The following CAST variants were observed in gnomAD, a reference collection of about 807,000 sequenced individuals.
CAST encodes the protein MIR583 host.
CAST carries 76 observed loss-of-function variants against 119.6 expected under a neutral mutation model. The observed-to-expected ratio is 0.64, with a 90% CI of 0.53 to 0.77. The LOEUF (loss-of-function observed/expected upper bound fraction) is 0.77. Ranked by LOEUF, CAST falls within the 30% of genes least tolerant of loss-of-function variation. The pLI is 0.00. For synonymous variants in CAST, 319 were observed against 331.6 expected (o/e 0.96, Z 0.41); for missense variants, 953 against 946.5 (o/e 1.01, Z -0.09).
chr5:96,077,847 T>A, the CAST span, among the ~76,000 whole-genome samples: 2 of 152,208 alleles, frequency 1.3e-5, no homozygotes, highest in Non-Finnish European at 2.9e-5. Context: ...CTTTATAAAT[T>A]ATCCAGCCTC....
chr5:96,035,174 GA>G, the CAST span, among the ~76,000 whole-genome samples: 2 of 128,168 alleles, frequency 1.6e-5, no homozygotes, highest in African/African-American at 5.9e-5. Context: ...TATATATTTT[GA>G]AGTATATATA....
At chr5:96,739,175 C>T (rs1762214820) in intron 11 of CAST, among the ~76,000 whole-genome samples, 2 of 152,210 alleles carry the variant, frequency 1.3e-5, no homozygotes, top group South Asian at 2.1e-4. Flanking sequence ...TTAGCAAAAG[C>T]GTGAAAGTCT....
chr5:96,534,797 GAAAGAAGAAAGA>G (rs1561409053), intron 1 of CAST, among the ~76,000 whole-genome samples: 53 of 110,604 alleles, frequency 4.8e-4, no homozygotes, highest in African/African-American at 1.7e-3. Flanking sequence ...AAGAAAGAAA[GAAAGAAGAAAGA>G]AAGAAAGAAA....
chr5:96,519,684 G>T, the CAST span, among the ~76,000 whole-genome samples: 1 of 152,120 alleles, frequency 6.6e-6, no homozygotes. Context: ...TCAGCTCACT[G>T]CAGCTTACAT....
At chr5:96,416,272 C>A in the CAST span, 2 of 664,902 alleles carry the variant, frequency 3.0e-6, no homozygotes, top group Non-Finnish European at 2.7e-6. Context: ...TAACATAAAA[C>A]TTATGTTCAG....
chr5:96,462,105 C>T, the CAST span, among the ~76,000 whole-genome samples: 4 of 152,070 alleles, frequency 2.6e-5, no homozygotes, highest in Non-Finnish European at 5.9e-5. Context: ...TTCCCCAGCA[C>T]GGACTCTTCC....
chr5:96,534,882 A>T (rs970887406), intron 1 of CAST, among the ~76,000 whole-genome samples: 4 of 150,388 alleles, frequency 2.7e-5, no homozygotes, highest in African/African-American at 9.8e-5. Flanking sequence ...AAAGAAAGAA[A>T]AGAAAGAAAG....
intron 22 of CAST, among the ~76,000 whole-genome samples, chr5:96,756,633 A>G (rs1766382734): frequency 6.6e-6 from 1 of 152,248 alleles, no homozygotes; most frequent in Non-Finnish European, 1.5e-5. Context: ...TTTTCAGATT[A>G]GGGATACTCA....
the CAST span, among the ~76,000 whole-genome samples, chr5:96,263,534 C>T: frequency 2.6e-5 from 4 of 151,632 alleles, no homozygotes; most frequent in African/African-American, 4.9e-5. Context: ...TTGGTGCCAG[C>T]CTCTGCCACA....
intron 1 of CAST, among the ~76,000 whole-genome samples, chr5:96,672,567 T>C (rs972810620): frequency 6.6e-6 from 1 of 151,882 alleles, no homozygotes; most frequent in Non-Finnish European, 1.5e-5. Context: ...ATTAATCGGA[T>C]GTGGTGGTGC....
At chr5:96,143,966 G>C in the CAST span, among the ~76,000 whole-genome samples, 1 of 152,158 alleles carries the variant, frequency 6.6e-6, no homozygotes, top group Non-Finnish European at 1.5e-5. Context: ...TCAGACACTT[G>C]AGGGGCTATT....
chr5:96,305,362 A>G, the CAST span, among the ~76,000 whole-genome samples: 4 of 152,220 alleles, frequency 2.6e-5, no homozygotes, highest in Admixed American at 1.3e-4. Context: ...GGCTGAGACA[A>G]TGGGGTTTTC....
chr5:96,437,463 C>T, the CAST span, among the ~76,000 whole-genome samples: 6 of 152,184 alleles, frequency 3.9e-5, no homozygotes, highest in African/African-American at 9.6e-5. Context: ...GCAGGCAATG[C>T]TCTTGCTTCC....
chr5:96,146,172 A>G, the CAST span, among the ~76,000 whole-genome samples: 1 of 152,246 alleles, frequency 6.6e-6, no homozygotes, highest in Non-Finnish European at 1.5e-5. Context: ...TAGCAAGGCT[A>G]TGTGCAATTA....
chr5:96,738,149 C>T (rs1013952424), intron 11 of CAST, among the ~76,000 whole-genome samples: 3 of 152,116 alleles, frequency 2.0e-5, no homozygotes, highest in South Asian at 2.1e-4. Context: ...TGGTGAAACC[C>T]TGTCCTTACT....
the CAST span, among the ~76,000 whole-genome samples, chr5:96,427,870 C>A: frequency 1.3e-5 from 2 of 152,098 alleles, no homozygotes; most frequent in South Asian, 4.1e-4. Flanking sequence ...TTTTCAGAGC[C>A]CACACACGAT....
chr5:96,096,642 T>A, the CAST span, among the ~76,000 whole-genome samples: 1 of 152,226 alleles, frequency 6.6e-6, no homozygotes, highest in African/African-American at 2.4e-5. Context: ...TTCCTATATA[T>A]CCACAGTTGA....
chr5:96,617,134 G>T (rs1747475339), intron 1 of CAST, among the ~76,000 whole-genome samples: 1 of 152,036 alleles, frequency 6.6e-6, no homozygotes, highest in African/African-American at 2.4e-5. Flanking sequence ...TTCCCAAGTT[G>T]ATTTTTTGTT....
the CAST span, among the ~76,000 whole-genome samples, chr5:96,481,958 A>G: frequency 1.3e-5 from 2 of 152,198 alleles, no homozygotes; most frequent in Admixed American, 1.3e-4. Flanking sequence ...CTAAGTAATT[A>G]TGAAGCCTCG....
Sources: allele counts gnomAD v4.1 joint callset (sites outside exome capture counted in the v4.1 genomes callset), GRCh38; gene constraint gnomAD v4.1.1; transcripts MANE v1.5; gene names NCBI Gene and HGNC (gene_info 2026-07-23, HGNC 2026-07-21).